Variants in ADGRL1 observed in about 807,000 individuals in gnomAD.
ADGRL1 encodes the protein CIRL-1.
In ADGRL1, 31 loss-of-function variants were observed where a neutral mutation model predicts 148.9. The observed-to-expected ratio is 0.21, with a 90% CI of 0.16 to 0.28. The LOEUF is 0.28. Ranked by LOEUF, ADGRL1 falls within the 10% of genes least tolerant of loss-of-function variation. ADGRL1 has a pLI of 1.00. For missense variants in ADGRL1, 1,521 were observed against 2,058.8 expected (o/e 0.74, Z 5.05); for synonymous variants, 937 against 900.3 (o/e 1.04, Z -0.73).
Position 14,160,000 on chromosome 19 carries a change from G to A in ADGRL1, c.1800+112C>T, listed in dbSNP as rs945119033. On this transcript the variant is annotated intron_variant, in intron 8 of 22. Transcript: ENST00000361434. This position sits in a 1 kb window ranked among gnomAD's most constrained non-coding sequence, Gnocchi z 6.0. ...AGAGGGGGGGGTCCTTCCTCTCTGA[G>A]GAAAGGAGTGGAGGTGGCAGCCTGG... 1.5e-5 allele frequency: 18 copies of A among 1,202,344 alleles called. No homozygotes were observed. The African/African-American group carries it at 2.6e-4, about 17-fold the overall frequency. The allele number at this position is 1,202,344 out of a possible 1,614,324, so 74.5% of individuals were successfully genotyped here. A position where few individuals can be genotyped will look rare whatever the true frequency, so the allele number is the denominator to read the frequency against.
intron 15 of ADGRL1, 77 bp from the exon 16 acceptor site, chr19:14,156,801 T>G: frequency 1.3e-6 from 2 of 1,528,880 alleles, no homozygotes; most frequent in Non-Finnish European, 1.8e-6. Flanking sequence ...CCTAGGACTC[T>G]GCAGGCTGCA....
rs753782852 is a variant in ADGRL1, at chr19:14,183,544, G to A, written c.59C>T (p.Ser20Leu). ...NLCVTAVLVT[S>L]ATQGLSRAGL... ...CCAGCAGCACCTACCTTGGGTGGCC[G>A]AGGTGACCAGGACGGCGGTGACACA... Residue 20 changes from serine (S) to leucine (L), a missense_variant, in exon 2 of 23, where the codon TCG (serine) becomes TTG (leucine). By Grantham distance (145) the Ser-to-Leu change is moderately radical. Transcript: ENST00000361434. The A allele has an allele frequency of 4.4e-6, 7 of 1,578,916 alleles. No individual in the cohort carries two copies. Among genetic ancestry groups the A allele is most frequent in the South Asian group, 1.2e-5 (1 of 86,204 alleles).
At chr19:14,199,873 A>G (rs529445612) in intron 1 of ADGRL1, among the ~76,000 whole-genome samples, 49 of 152,196 alleles carry the variant, frequency 3.2e-4, no homozygotes, top group Admixed American at 8.5e-4. Flanking sequence ...AGCTGGGACT[A>G]CAGGCACTCA....
Position 14,183,671 on chromosome 19 carries a change from G to T in ADGRL1, c.-69C>A. On this transcript the variant is annotated 5_prime_UTR_variant, in exon 2 of 23. The change creates a premature stop within an existing upstream ORF in the 5' untranslated region. Transcript: ENST00000361434. The stretch of plus-strand genomic sequence containing the variant: ...GGGGGGCTTTGCCCCACATCACCTG[G>T]CAGGCACCACGGCCTGGACCACCAG... 1 of 1,399,704 alleles carries T rather than the reference G, an allele frequency of 7.1e-7. No individual in the cohort carries two copies. The highest frequency in any genetic ancestry group is 9.8e-7 in the Non-Finnish European group (1 of 1,019,406). The allele number at this position is 1,399,704 out of a possible 1,614,324, so 86.7% of individuals were successfully genotyped here.
At chr19:14,183,744 G>A (rs773011025) in intron 1 of ADGRL1, 47 bp from the exon 2 acceptor site, 104 of 690,070 alleles carry the variant, frequency 1.5e-4, no homozygotes, top group Non-Finnish European at 2.3e-4. Flanking sequence ...CCTCCAGGCC[G>A]CTCCCCTCTC....
chr19:14,203,281 C>G (rs1189262153), intron 1 of ADGRL1, among the ~76,000 whole-genome samples: 2 of 152,126 alleles, frequency 1.3e-5, no homozygotes, highest in African/African-American at 2.4e-5. Flanking sequence ...GAAACGAGAG[C>G]CTTGTGTGTC....
intron 1 of ADGRL1, among the ~76,000 whole-genome samples, chr19:14,195,102 C>G (rs1972176388): frequency 6.6e-6 from 1 of 152,088 alleles, no homozygotes; most frequent in South Asian, 2.1e-4. Context: ...CCAGGCTGGT[C>G]TTGAATTCCT....
At position 14,175,689 on chromosome 19, in the gene ADGRL1, CAG is replaced by C. The variant is rs201600966; in HGVS notation, c.284+1840_284+1841del. On this transcript the variant is annotated intron_variant, in intron 3 of 22. Coordinates refer to ENST00000361434, the MANE Select transcript of ADGRL1 (RefSeq NM_014921.5). The stretch of plus-strand genomic sequence containing the variant: ...ACCTGTTCACATACACTTAGACACA[CAG>C]ACACACTTAGTCACAATCACACACA... Among the ~76,000 whole-genome samples the C allele has an allele frequency of 9.1e-3, 1,383 of 152,146 alleles. 23 individuals are homozygous for C. Among genetic ancestry groups the C allele is most frequent in the African/African-American group, 0.032 (1,330 of 41,454 alleles).
In ADGRL1 at chr19:14,159,598, G is replaced by C. The variant is rs751346261; in HGVS notation, c.1840-14C>G. On this transcript the variant is annotated splice_polypyrimidine_tract_variant and intron_variant, in intron 9 of 22. Coordinates refer to ENST00000361434, the MANE Select transcript of ADGRL1 (RefSeq NM_014921.5). The surrounding 1 kb of genome is among the most constrained non-coding windows in gnomAD (Gnocchi z 6.0). ...CTCCACCACGGCCTGCACAGGCAGA[G>C]GGCATGGTGCTGTGAGCCCCCCAAC... The C allele has an allele frequency of 6.3e-7, 1 of 1,593,858 alleles. No homozygotes were observed. The highest frequency in any genetic ancestry group is 1.1e-5 in the South Asian group (1 of 89,722).
rs1350623541 is a variant in ADGRL1, at chr19:14,160,212, G to A, written c.1700C>T (p.Ser567Phe). The change falls in exon 8 of 23, where the codon TCC (serine) becomes TTC (phenylalanine). Residue 567 changes from serine (S) to phenylalanine (F), a missense_variant. Around this residue, in one of 8 missense-constraint regions of ADGRL1, gnomAD observed 265 missense variants for 431.9 expected, o/e 0.61. Transcript: ENST00000361434. This position sits in a 1 kb window ranked among gnomAD's most constrained non-coding sequence, Gnocchi z 5.9. ...CAGCTGCTCCATCAGCTTCACAGAG[G>A]AGGAGACGTCCCCCGCGTAGATGGA... ...RGSIYAGDVS[S>F]SVKLMEQLLD... is the part of the protein sequence containing the mutation. 1 of 1,602,908 alleles carries A rather than the reference G, an allele frequency of 6.2e-7. No homozygotes were observed. Among genetic ancestry groups the A allele is most frequent in the Non-Finnish European group, 8.5e-7 (1 of 1,171,074 alleles).
chr19:14,194,671 G>A (rs1827209598), intron 1 of ADGRL1, among the ~76,000 whole-genome samples: 1 of 152,170 alleles, frequency 6.6e-6, no homozygotes, highest in Non-Finnish European at 1.5e-5. Context: ...GGCTTGGTGA[G>A]CTGTGGGGGG....
At chr19:14,188,637 A>G (rs1971736045) in intron 1 of ADGRL1, among the ~76,000 whole-genome samples, 1 of 152,184 alleles carries the variant, frequency 6.6e-6, no homozygotes, top group South Asian at 2.1e-4. Flanking sequence ...GTATACTTCC[A>G]GAACACCCCA....
chr19:14,199,342 G>A (rs1302656597), intron 1 of ADGRL1, among the ~76,000 whole-genome samples: 6 of 152,118 alleles, frequency 3.9e-5, no homozygotes, highest in East Asian at 1.9e-4. Flanking sequence ...CAAAAAAGTC[G>A]ATTCTATAGC....
chr19:14,167,119 T>C (rs915660859), intron 4 of ADGRL1: 3 of 1,139,994 alleles, frequency 2.6e-6, no homozygotes, highest in Admixed American at 2.0e-5. Context: ...ATTAAATTGC[T>C]TTCGTTTCTT....
chr19:14,177,214 A>C (rs1431653981), intron 3 of ADGRL1, among the ~76,000 whole-genome samples: 5 of 151,564 alleles, frequency 3.3e-5, no homozygotes, highest in African/African-American at 9.7e-5. Context: ...GTAACAGAGT[A>C]AGACTCCATC....
intron 1 of ADGRL1, among the ~76,000 whole-genome samples, chr19:14,203,397 C>G (rs1286238678): frequency 6.7e-6 from 1 of 149,900 alleles, no homozygotes; most frequent in Middle Eastern, 3.4e-3. Flanking sequence ...TTGAGGGGCA[C>G]CCACTGCCAC....
intron 4 of ADGRL1, among the ~76,000 whole-genome samples, chr19:14,165,112 G>T (rs942949495): frequency 2.0e-5 from 3 of 152,180 alleles, no homozygotes; most frequent in Non-Finnish European, 4.4e-5. Flanking sequence ...TTGGGAGGGA[G>T]GGGGACAGGC....
intron 4 of ADGRL1, among the ~76,000 whole-genome samples, chr19:14,168,190 C>A (rs1336137064): frequency 6.6e-6 from 1 of 151,992 alleles, no homozygotes; most frequent in Non-Finnish European, 1.5e-5. Flanking sequence ...GCTCTCCTGG[C>A]CCCTCTCTGA....
In ADGRL1 at chr19:14,162,052, T is replaced by C. The variant is rs1210937592; in HGVS notation, c.1196-426A>G. Among the ~76,000 whole-genome samples, 1 of 152,296 alleles carries C rather than the reference T, an allele frequency of 6.6e-6. No homozygotes were observed. Among genetic ancestry groups the C allele is most frequent in the South Asian group, 2.1e-4 (1 of 4,826 alleles). ...GACTTTGGCTTATGTAACCTGGCTA[T>C]GCTCCTTCCTTCTGGGGGCCTCAAC... On this transcript the variant is annotated intron_variant, in intron 5 of 22. Transcript: ENST00000361434. This position sits in a 1 kb window ranked among gnomAD's most constrained non-coding sequence, Gnocchi z 5.4.
Sources: allele counts gnomAD v4.1 joint callset (sites outside exome capture counted in the v4.1 genomes callset), GRCh38; gene constraint gnomAD v4.1.1; regional missense constraint gnomAD v4.1.1; non-coding constraint Gnocchi (gnomAD v3.1); transcripts MANE v1.5; gene names NCBI Gene and HGNC (gene_info 2026-07-23, HGNC 2026-07-21).